Variants in LRRTM4 observed in about 807,000 individuals in gnomAD.
LRRTM4 encodes the protein leucine rich repeat transmembrane neuronal 4.
LRRTM4 carries 25 observed loss-of-function variants against 47.6 expected under a neutral mutation model. The ratio of observed to expected loss-of-function variants is 0.53; its 90% CI spans 0.38 to 0.73. The LOEUF (loss-of-function observed/expected upper bound fraction) is 0.73. LRRTM4 is among the 30% of genes least tolerant of loss of function. LRRTM4 has a pLI of 0.00. For missense variants in LRRTM4, 638 were observed against 713.4 expected (o/e 0.89, Z 1.20); for synonymous variants, 311 against 269.5 (o/e 1.15, Z -1.51).
chr2:77,083,824 A>T (rs1680616717), intron 3 of LRRTM4, among the ~76,000 whole-genome samples: 1 of 31,222 alleles, frequency 3.2e-5, no homozygotes. Context: ...TTTTTTTTTC[A>T]GACGGAGTCT....
rs540148908 is a variant in LRRTM4 at position 77,327,277 on chromosome 2, A to G, written c.1551+191041T>C. Among the ~76,000 whole-genome samples the G allele has an allele frequency of 3.3e-5, 5 of 152,334 alleles. No homozygotes were observed. In the South Asian group the frequency reaches 6.2e-4, roughly 19 times the overall value. ...ATATAAAAATGCTATGATAGATTTT[A>G]AAAAGAAAATGGAGTAACCCAAGAA... is the stretch of plus-strand genomic sequence containing the variant. On this transcript the variant is annotated intron_variant, in intron 3 of 3. Transcript: ENST00000409884.
chr2:76,986,686 A>T (rs1245882685), intron 3 of LRRTM4, among the ~76,000 whole-genome samples: 2 of 151,938 alleles, frequency 1.3e-5, no homozygotes, highest in Non-Finnish European at 2.9e-5. Flanking sequence ...AAAGAAAATC[A>T]ACAGGGAGAA....
intron 3 of LRRTM4, among the ~76,000 whole-genome samples, chr2:77,081,288 A>ACACT (rs1338084923): frequency 1.4e-5 from 2 of 146,934 alleles, no homozygotes; most frequent in Non-Finnish European, 3.0e-5. Flanking sequence ...ACACACACAC[A>ACACT]CACATAAATT....
At chr2:77,398,727 G>A (rs1170813059) in intron 3 of LRRTM4, among the ~76,000 whole-genome samples, 2 of 151,868 alleles carry the variant, frequency 1.3e-5, no homozygotes, top group East Asian at 1.9e-4. Flanking sequence ...GAATGACCCC[G>A]TATGGCAGAT....
intron 3 of LRRTM4, among the ~76,000 whole-genome samples, chr2:77,222,499 A>C (rs1293232160): frequency 3.3e-5 from 5 of 152,222 alleles, no homozygotes; most frequent in Non-Finnish European, 5.9e-5. Context: ...AATCAATTAG[A>C]TGCAATAAAA....
chr2:77,311,386 A>G (rs1369796611), intron 3 of LRRTM4, among the ~76,000 whole-genome samples: 2 of 152,178 alleles, frequency 1.3e-5, no homozygotes, highest in African/African-American at 4.8e-5. Context: ...ATGAATGTTG[A>G]TGTGGGAGAA....
intron 3 of LRRTM4, among the ~76,000 whole-genome samples, chr2:77,083,950 G>A (rs1191062992): frequency 6.6e-6 from 1 of 150,814 alleles, no homozygotes; most frequent in African/African-American, 2.4e-5. Context: ...GACTACAGGC[G>A]CCCGCCACTG....
intron 3 of LRRTM4, among the ~76,000 whole-genome samples, chr2:77,141,172 C>T (rs535309656): frequency 7.9e-5 from 12 of 152,238 alleles, no homozygotes; most frequent in Admixed American, 2.6e-4. Flanking sequence ...CACATGTACA[C>T]GTATGTTTAT....
intron 3 of LRRTM4, among the ~76,000 whole-genome samples, chr2:77,306,205 A>C (rs1677267022): frequency 6.6e-6 from 1 of 152,224 alleles, no homozygotes. Context: ...AATCAAAGGT[A>C]TATTTTTAAA....
At chr2:77,050,331 C>G (rs1461888452) in intron 3 of LRRTM4, among the ~76,000 whole-genome samples, 1 of 152,092 alleles carries the variant, frequency 6.6e-6, no homozygotes, top group East Asian at 1.9e-4. Flanking sequence ...CCAACATTGC[C>G]AATTCTCTAC....
Position 77,326,590 on chromosome 2 carries a change from C to T in LRRTM4, c.1551+191728G>A, listed in dbSNP as rs577506858. 3.3e-5 allele frequency among the ~76,000 whole-genome samples: 5 copies of T among 152,008 alleles called. No individual in the cohort carries two copies. In the East Asian group the frequency reaches 7.8e-4, roughly 24 times the overall value. On this transcript the variant is annotated intron_variant, in intron 3 of 3. Transcript: ENST00000409884. ...TTTTTAACTTTTGTAGAGACAGGGTCTCTCTATTTTGCCCAGGCTGGCCTT... is the reference window on the plus strand; with the variant it reads ...TTTTTAACTTTTGTAGAGACAGGGTTTCTCTATTTTGCCCAGGCTGGCCTT...
At chr2:76,837,129 G>A (rs1480761163) in intron 3 of LRRTM4, among the ~76,000 whole-genome samples, 1 of 152,082 alleles carries the variant, frequency 6.6e-6, no homozygotes, top group South Asian at 2.1e-4. Flanking sequence ...TATGTGTCGA[G>A]GAATTTATCC....
chr2:77,069,030 G>C (rs1680059014), intron 3 of LRRTM4, among the ~76,000 whole-genome samples: 1 of 152,150 alleles, frequency 6.6e-6, no homozygotes, highest in African/African-American at 2.4e-5. Context: ...TTCCCATAAG[G>C]TATACTTTTA....
At chr2:76,885,601 C>T (rs1456923164) in intron 3 of LRRTM4, among the ~76,000 whole-genome samples, 1 of 151,532 alleles carries the variant, frequency 6.6e-6, no homozygotes, top group African/African-American at 2.4e-5. Flanking sequence ...TAGCTGGGAC[C>T]GCAAGCGCCC....
intron 3 of LRRTM4, among the ~76,000 whole-genome samples, chr2:77,493,800 G>T (rs1489818830): frequency 6.6e-6 from 1 of 151,938 alleles, no homozygotes; most frequent in Non-Finnish European, 1.5e-5. Context: ...TTTATAGCAG[G>T]CCACAGAAAT....
At chr2:77,069,684 C>G (rs993360732) in intron 3 of LRRTM4, among the ~76,000 whole-genome samples, 2 of 151,960 alleles carry the variant, frequency 1.3e-5, no homozygotes, top group Non-Finnish European at 1.5e-5. Context: ...TAGTTATGTA[C>G]AGCTTCATAG....
chr2:76,762,152 T>C (rs1316952338), intron 3 of LRRTM4, among the ~76,000 whole-genome samples: 1 of 152,200 alleles, frequency 6.6e-6, no homozygotes, highest in Non-Finnish European at 1.5e-5. Flanking sequence ...ACCCTCATGG[T>C]CACATGCTTG....
intron 3 of LRRTM4, among the ~76,000 whole-genome samples, chr2:76,864,567 G>C (rs1460858044): frequency 1.3e-5 from 2 of 151,528 alleles, no homozygotes; most frequent in African/African-American, 4.9e-5. Flanking sequence ...TGAGGCAGGG[G>C]AATTGCTTGA....
intron 3 of LRRTM4, among the ~76,000 whole-genome samples, chr2:77,101,025 C>T (rs1040160165): frequency 1.1e-4 from 16 of 151,740 alleles, no homozygotes; most frequent in African/African-American, 2.7e-4. Flanking sequence ...TTAGTAGAGA[C>T]GGGGTTTCAC....
Sources: gnomAD v4.1 joint callset for allele counts (sites outside exome capture counted in the v4.1 genomes callset) on GRCh38, gnomAD v4.1.1 for gene constraint, MANE v1.5 for transcripts, NCBI Gene and HGNC (gene_info 2026-07-23, HGNC 2026-07-21) for gene names.